The following PLXNA4 variants were observed in gnomAD, a reference collection of about 807,000 sequenced individuals.
The protein encoded by PLXNA4 is plexin A4.
Under a neutral mutation model 191.8 loss-of-function variants are expected in PLXNA4, and 44 were observed. The observed-to-expected ratio is 0.23, with a 90% CI of 0.18 to 0.29. PLXNA4 has a LOEUF of 0.29. Among genes scored for constraint, PLXNA4 ranks in the 10% least tolerant of loss-of-function variants. The pLI is 1.00. For missense variants in PLXNA4, 1,800 were observed against 2,488.8 expected (o/e 0.72, Z 5.89); for synonymous variants, 1,082 against 1,009.5 (o/e 1.07, Z -1.36).
intron 3 of PLXNA4, among the ~76,000 whole-genome samples, chr7:132,333,346 C>A (rs1025152235): frequency 3.3e-5 from 5 of 152,226 alleles, no homozygotes; most frequent in African/African-American, 9.6e-5. Flanking sequence ...CCATGCTGCA[C>A]CTACTCCCAG....
intron 2 of PLXNA4, among the ~76,000 whole-genome samples, chr7:132,627,851 T>C (rs1437482786): frequency 6.6e-6 from 1 of 152,248 alleles, no homozygotes; most frequent in South Asian, 2.1e-4. Flanking sequence ...TAAATGTCTG[T>C]TCTTTATAAA....
chr7:132,522,397 T>C (rs952995227), intron 1 of PLXNA4, among the ~76,000 whole-genome samples: 2 of 152,200 alleles, frequency 1.3e-5, no homozygotes, highest in South Asian at 2.1e-4. Flanking sequence ...TGTCAGAGAA[T>C]CTCATTAACT....
At chr7:132,561,812 TTTCTCCTCCTTC>T (rs1258369970) in intron 1 of PLXNA4, among the ~76,000 whole-genome samples, 1 of 86,708 alleles carries the variant, frequency 1.2e-5, no homozygotes, top group African/African-American at 4.5e-5. Context: ...TATCCTCCTC[TTTCTCCTCCTTC>T]TTCTCCTCCG....
In PLXNA4 at chr7:132,508,364, G is replaced by A. The variant is rs1373463225; in HGVS notation, c.330C>T (p.Thr110=). ...IVQTCNEPLT[T]TNNVNKMLLI... is the part of the protein sequence containing the mutation. ...GGAGCATCTTGTTGACATTGTTGGT[G>A]GTGGTCAGGGGCTCATTGCAGGTCT... is the stretch of plus-strand genomic sequence containing the variant. The change falls in exon 2 of 32, where the codon ACC becomes ACT. Residue 110 remains threonine, a synonymous_variant. Coordinates refer to ENST00000321063, the MANE Select transcript of PLXNA4 (RefSeq NM_020911.2). This position sits in a 1 kb window ranked among gnomAD's most constrained non-coding sequence, Gnocchi z 4.4. 7 of 1,614,198 alleles carry A rather than the reference G, an allele frequency of 4.3e-6. No homozygotes were observed. Among genetic ancestry groups the A allele is most frequent in the Non-Finnish European group, 5.9e-6 (7 of 1,180,048 alleles).
chr7:132,187,983 T>A (rs959330181), intron 14 of PLXNA4, among the ~76,000 whole-genome samples: 28 of 152,110 alleles, frequency 1.8e-4, no homozygotes, highest in African/African-American at 6.3e-4. Flanking sequence ...GATTCAGAGA[T>A]GTTAAGCTAG....
chr7:132,342,494 G>A (rs960271932), intron 3 of PLXNA4, among the ~76,000 whole-genome samples: 1 of 151,986 alleles, frequency 6.6e-6, no homozygotes, highest in Non-Finnish European at 1.5e-5. Context: ...AAACCTGAAA[G>A]CACAACCCCA....
chr7:132,474,769 T>G (rs985410386), intron 3 of PLXNA4, among the ~76,000 whole-genome samples: 4 of 152,234 alleles, frequency 2.6e-5, no homozygotes, highest in African/African-American at 7.2e-5. Context: ...CTACCTTGCC[T>G]GGGCTCACAT....
intron 2 of PLXNA4, among the ~76,000 whole-genome samples, chr7:132,626,112 A>T (rs1410552471): frequency 6.6e-6 from 1 of 152,110 alleles, no homozygotes; most frequent in Non-Finnish European, 1.5e-5. Context: ...GATGATCCCA[A>T]TTCACTCTCC....
chr7:132,598,302 G>C (rs1802755462), intron 2 of PLXNA4, among the ~76,000 whole-genome samples: 1 of 152,014 alleles, frequency 6.6e-6, no homozygotes, highest in Non-Finnish European at 1.5e-5. Flanking sequence ...AGAGACAGGG[G>C]GTTTCATTAT....
chr7:132,617,563 G>T (rs1308608937), intron 2 of PLXNA4, among the ~76,000 whole-genome samples: 2 of 152,130 alleles, frequency 1.3e-5, no homozygotes, highest in African/African-American at 4.8e-5. Flanking sequence ...AGCAAATAAG[G>T]CAGTAATTAC....
At chr7:132,428,028 G>A (rs1000732177) in intron 3 of PLXNA4, among the ~76,000 whole-genome samples, 2 of 152,174 alleles carry the variant, frequency 1.3e-5, no homozygotes, top group African/African-American at 4.8e-5. Flanking sequence ...GACGAGGCAT[G>A]GGGGAGGGGA....
intron 20 of PLXNA4, among the ~76,000 whole-genome samples, chr7:132,178,740 G>C (rs543301830): frequency 5.6e-5 from 4 of 71,618 alleles, no homozygotes; most frequent in African/African-American, 2.8e-4. Flanking sequence ...ACTTGTAAAT[G>C]AAACACATAC....
chr7:132,275,211 T>C (rs1458105573), intron 4 of PLXNA4, among the ~76,000 whole-genome samples: 3 of 152,170 alleles, frequency 2.0e-5, no homozygotes, highest in Non-Finnish European at 4.4e-5. Flanking sequence ...TGTCTTCTAA[T>C]TGTTTAAAAT....
At chr7:132,291,897 C>A (rs576781098) in intron 4 of PLXNA4, among the ~76,000 whole-genome samples, 3 of 152,144 alleles carry the variant, frequency 2.0e-5, no homozygotes, top group African/African-American at 7.2e-5. Flanking sequence ...CAGGTTGAAG[C>A]GATTCTCCTG....
intron 5 of PLXNA4, among the ~76,000 whole-genome samples, 156 bp from the exon 6 acceptor site, chr7:132,228,625 T>G (rs901537418): frequency 1.3e-5 from 2 of 152,188 alleles, no homozygotes; most frequent in Non-Finnish European, 2.9e-5. Flanking sequence ...AGCCTGGTCC[T>G]CCTCCATCAT....
chr7:132,466,029 G>A lies in PLXNA4; in HGVS notation c.1371+23263C>T, dbSNP rs547676985. ...CAGGTCAGGGGCCTGGTCTCAACTTGGGAAACATCAAGAGGCCAGCAAGCT... is the reference window on the plus strand; with the variant it reads ...CAGGTCAGGGGCCTGGTCTCAACTTAGGAAACATCAAGAGGCCAGCAAGCT... On this transcript the variant is annotated intron_variant, in intron 3 of 31. Transcript: ENST00000321063. Among the ~76,000 whole-genome samples the A allele has an allele frequency of 3.3e-5, 5 of 152,222 alleles. No homozygotes were observed. The South Asian group carries it at 1.0e-3, about 32-fold the overall frequency.
chr7:132,632,270 C>T (rs1803507533), intron 2 of PLXNA4, among the ~76,000 whole-genome samples: 1 of 149,060 alleles, frequency 6.7e-6, no homozygotes, highest in African/African-American at 2.5e-5. Flanking sequence ...GGAGGAAGAG[C>T]ATTCTAAATT....
At chr7:132,623,708 C>A (rs1347531290) in intron 2 of PLXNA4, among the ~76,000 whole-genome samples, 1 of 152,194 alleles carries the variant, frequency 6.6e-6, no homozygotes, top group Non-Finnish European at 1.5e-5. Flanking sequence ...CCCTGGGGCT[C>A]TACAGAGAAC....
chr7:132,280,020 T>C (rs1482922836), intron 4 of PLXNA4, among the ~76,000 whole-genome samples: 1 of 152,220 alleles, frequency 6.6e-6, no homozygotes, highest in African/African-American at 2.4e-5. Context: ...GTTTCACAAA[T>C]AGTAGTTATC....
Sources: gnomAD v4.1 joint callset for allele counts (sites outside exome capture counted in the v4.1 genomes callset) on GRCh38, gnomAD v4.1.1 for gene constraint, Gnocchi (gnomAD v3.1) non-coding constraint, MANE v1.5 for transcripts, NCBI Gene and HGNC (gene_info 2026-07-23, HGNC 2026-07-21) for gene names.